The following HYCC1 variants were observed in gnomAD, a reference collection of about 807,000 sequenced individuals.
The protein encoded by HYCC1 is hyccin.
At chr7:22,997,047 C>G in the HYCC1 span, among the ~76,000 whole-genome samples, 1 of 152,046 alleles carries the variant, frequency 6.6e-6, no homozygotes, top group Non-Finnish European at 1.5e-5. Context: ...TGCTAGGAGT[C>G]TATGTAGTAT....
the HYCC1 span, among the ~76,000 whole-genome samples, chr7:22,986,835 G>T: frequency 6.6e-6 from 1 of 152,150 alleles, no homozygotes; most frequent in Admixed American, 6.6e-5. Flanking sequence ...GCAACAGAAC[G>T]AGACTCTGTC....
the HYCC1 span, among the ~76,000 whole-genome samples, chr7:22,916,456 C>T: frequency 6.6e-6 from 1 of 152,186 alleles, no homozygotes; most frequent in Admixed American, 6.5e-5. Context: ...CCTAACTCAT[C>T]CCAACCTTTT....
chr7:22,907,125 A>G, the HYCC1 span, among the ~76,000 whole-genome samples: 1 of 150,494 alleles, frequency 6.6e-6, no homozygotes, highest in African/African-American at 2.4e-5. Context: ...AAAAAAAAAA[A>G]AAAAAAGCAA....
chr7:22,923,119 A>G, the HYCC1 span, among the ~76,000 whole-genome samples: 1 of 152,250 alleles, frequency 6.6e-6, no homozygotes, highest in African/African-American at 2.4e-5. Flanking sequence ...CTCATATTTA[A>G]GTGTGCATGA....
the HYCC1 span, among the ~76,000 whole-genome samples, chr7:22,996,484 T>G: frequency 6.6e-6 from 1 of 150,740 alleles, no homozygotes; most frequent in Non-Finnish European, 1.5e-5. Flanking sequence ...GATGGTGAGG[T>G]TTGGAGTACT....
chr7:22,942,199 A>G, the HYCC1 span: 11 of 152,312 alleles, frequency 7.2e-5, no homozygotes, highest in South Asian at 1.9e-3. Context: ...TTTTAAAAAT[A>G]TATTTCCCTT....
At chr7:22,945,544 G>A in the HYCC1 span, 1 of 1,408,246 alleles carries the variant, frequency 7.1e-7, no homozygotes, top group Non-Finnish European at 1.0e-6. Flanking sequence ...AAGCAAAGTT[G>A]TATTTCCAGG....
At chr7:22,946,645 T>C in the HYCC1 span, among the ~76,000 whole-genome samples, 2 of 152,006 alleles carry the variant, frequency 1.3e-5, no homozygotes, top group African/African-American at 2.4e-5. Flanking sequence ...ACTCTAAATA[T>C]CACAAGCTCA....
At chr7:22,976,620 T>C in the HYCC1 span, 1 of 901,932 alleles carries the variant, frequency 1.1e-6, no homozygotes, top group South Asian at 1.3e-5. Flanking sequence ...TAAACATTAT[T>C]TATAAGTCTA....
the HYCC1 span, among the ~76,000 whole-genome samples, chr7:22,903,813 T>C: frequency 6.6e-6 from 1 of 152,210 alleles, no homozygotes; most frequent in African/African-American, 2.4e-5. Flanking sequence ...TTTGTCAACA[T>C]GTGAAGACAT....
chr7:22,932,489 ATC>A, the HYCC1 span, among the ~76,000 whole-genome samples: 1 of 152,094 alleles, frequency 6.6e-6, no homozygotes, highest in Non-Finnish European at 1.5e-5. Flanking sequence ...GATTGGAAAT[ATC>A]TCTCTTATGT....
chr7:22,990,392 T>C, the HYCC1 span, among the ~76,000 whole-genome samples: 11 of 152,202 alleles, frequency 7.2e-5, no homozygotes, highest in African/African-American at 2.7e-4. Context: ...TTTGTCCTTA[T>C]AGGTCTTGGG....
At chr7:22,964,323 C>T in the HYCC1 span, 232 of 782,116 alleles carry the variant, frequency 3.0e-4, no homozygotes, top group African/African-American at 2.7e-3. Flanking sequence ...AATCACTTAT[C>T]TATTGACATT....
the HYCC1 span, among the ~76,000 whole-genome samples, chr7:22,996,223 G>A: frequency 6.6e-6 from 1 of 151,130 alleles, no homozygotes; most frequent in Admixed American, 6.6e-5. Flanking sequence ...AACCCGGGAG[G>A]CAGAGGTTTC....
the HYCC1 span, among the ~76,000 whole-genome samples, chr7:22,972,702 T>C: frequency 6.6e-6 from 1 of 152,324 alleles, no homozygotes; most frequent in Non-Finnish European, 1.5e-5. Flanking sequence ...TTCCTGACTA[T>C]AGCTTATTCA....
At chr7:22,946,999 G>T in the HYCC1 span, 1 of 1,549,620 alleles carries the variant, frequency 6.5e-7, no homozygotes, top group East Asian at 2.4e-5. Context: ...ACTCTGCCAG[G>T]TGAGTTTATT....
the HYCC1 span, among the ~76,000 whole-genome samples, chr7:22,928,137 C>A: frequency 5.1e-4 from 77 of 152,090 alleles, no homozygotes; most frequent in South Asian, 0.01. Context: ...ATTCAACAAC[C>A]CTTCATGCTA....
the HYCC1 span, chr7:22,939,317 A>C: frequency 6.6e-6 from 1 of 152,158 alleles, no homozygotes; most frequent in Non-Finnish European, 1.5e-5. Context: ...ATACACTTTA[A>C]AGTCTGATAG....
the HYCC1 span, among the ~76,000 whole-genome samples, chr7:22,949,787 C>T: frequency 6.6e-6 from 1 of 151,842 alleles, no homozygotes; most frequent in African/African-American, 2.4e-5. Context: ...AATGATATTA[C>T]ATTTAAAAAA....
Sources: allele counts gnomAD v4.1 joint callset (sites outside exome capture counted in the v4.1 genomes callset), GRCh38; gene constraint gnomAD v4.1.1; transcripts MANE v1.5; gene names NCBI Gene and HGNC (gene_info 2026-07-23, HGNC 2026-07-21).